Variants in TRMT11 observed in about 807,000 individuals in gnomAD.
TRMT11 encodes tRNA (guanine(10)-N(2))-methyltransferase TRMT11.
In TRMT11, 53 loss-of-function variants were observed where a neutral mutation model predicts 62.8. The observed-to-expected ratio is 0.84, with a 90% confidence interval of 0.68 to 1.06. TRMT11 has a LOEUF of 1.06. TRMT11 is among the 50% of genes least tolerant of loss of function. The pLI is 0.00. For synonymous variants in TRMT11, 188 were observed against 190.3 expected (o/e 0.99, Z 0.10); for missense variants, 556 against 553.4 (o/e 1.00, Z -0.05).
At chr6:126,041,408 T>C (rs1185157683), downstream of TRMT11, among the ~76,000 whole-genome samples, 2 of 152,122 alleles carry the variant, frequency 1.3e-5, no homozygotes, top group African/African-American at 4.8e-5. Flanking sequence ...GACGTTGAGG[T>C]TGTGTTATAT....
At chr6:126,106,143 A>T (rs1291599904) in intron 17 of TRMT11, among the ~76,000 whole-genome samples, 3 of 149,220 alleles carry the variant, frequency 2.0e-5, no homozygotes, top group East Asian at 2.0e-4. Flanking sequence ...CTAGGATTCC[A>T]GTTGGATTTT....
At chr6:126,094,704 G>A (rs778411806) in intron 17 of TRMT11, among the ~76,000 whole-genome samples, 9 of 152,164 alleles carry the variant, frequency 5.9e-5, no homozygotes, top group Admixed American at 3.9e-4. Flanking sequence ...CCTTTTTGTA[G>A]CTCTTAATTA....
intron 21 of TRMT11, among the ~76,000 whole-genome samples, chr6:126,136,569 A>G (rs1396383948): frequency 1.3e-5 from 2 of 151,558 alleles, no homozygotes; most frequent in African/African-American, 4.8e-5. Context: ...TAAAATGTCT[A>G]TACTACCCTA....
downstream of TRMT11, among the ~76,000 whole-genome samples, chr6:126,043,772 T>A (rs1775958445): frequency 6.0e-5 from 9 of 150,330 alleles, no homozygotes; most frequent in African/African-American, 2.4e-5. Context: ...GGTATCTCAT[T>A]GTGGTTTTGA....
chr6:126,061,082 G>A (rs1486533037), intron 17 of TRMT11, among the ~76,000 whole-genome samples: 1 of 152,222 alleles, frequency 6.6e-6, no homozygotes, highest in Non-Finnish European at 1.5e-5. Flanking sequence ...CAGAAGGGGA[G>A]AATCACAGAT....
At chr6:126,164,152 C>T (rs1778231604) in intron 21 of TRMT11, among the ~76,000 whole-genome samples, 1 of 152,144 alleles carries the variant, frequency 6.6e-6, no homozygotes, top group South Asian at 2.1e-4. Flanking sequence ...TAGCTGCATC[C>T]CAGAGATTCT....
At chr6:125,987,369 G>A (rs780209263) in intron 1 of TRMT11, among the ~76,000 whole-genome samples, 30 of 152,262 alleles carry the variant, frequency 2.0e-4, no homozygotes, top group African/African-American at 7.2e-4. Context: ...CAGTAAATTA[G>A]AATTACAAGG....
intron 21 of TRMT11, among the ~76,000 whole-genome samples, chr6:126,161,483 G>A (rs1009386360): frequency 2.6e-5 from 4 of 152,164 alleles, no homozygotes; most frequent in Non-Finnish European, 5.9e-5. Context: ...GTCTATTATT[G>A]ATGGGCATTT....
At chr6:126,255,744 G>A in the TRMT11 span, among the ~76,000 whole-genome samples, 1 of 151,948 alleles carries the variant, frequency 6.6e-6, no homozygotes, top group Non-Finnish European at 1.5e-5. Flanking sequence ...AAAAAAATGA[G>A]GAAGGAAAAT....
chr6:126,210,895 C>T, the TRMT11 span, among the ~76,000 whole-genome samples: 1 of 152,018 alleles, frequency 6.6e-6, no homozygotes, highest in South Asian at 2.1e-4. Context: ...GCCGGTGCTT[C>T]AGTCTGGTTT....
Position 126,151,932 on chromosome 6 carries a change from TTTCTTTCTTTC to T in TRMT11, c.*1824-22890_*1824-22880del, listed in dbSNP as rs1349824119. 9.4e-5 allele frequency among the ~76,000 whole-genome samples: 10 copies of T among 106,376 alleles called. 1 individual carries two copies. The highest frequency in any genetic ancestry group is 4.5e-4 in the African/African-American group (10 of 22,152). 69.8% of individuals were successfully genotyped at this position (106,376 alleles called of 152,430 possible). A position where few individuals can be genotyped will look rare whatever the true frequency, so the allele number is the denominator to read the frequency against. Reference sequence around the variant, plus strand: ...CTTTCTTTCTTTCTTTCTTTCTTTCTTTCTTTCTTTCTTTTCTTTCTTTCTTTTCTTTCTTT... The same window carrying T: ...CTTTCTTTCTTTCTTTCTTTCTTTCTTTTTCTTTCTTTCTTTTCTTTCTTT... On this transcript the variant is annotated intron_variant and NMD_transcript_variant, in intron 21 of 22. Transcript: ENST00000648977.
At chr6:126,234,607 T>TCTGTACAC in the TRMT11 span, among the ~76,000 whole-genome samples, 3 of 152,138 alleles carry the variant, frequency 2.0e-5, no homozygotes, top group Non-Finnish European at 4.4e-5. Context: ...GTGAGGATAA[T>TCTGTACAC]CTGTACACTG....
intron 21 of TRMT11, among the ~76,000 whole-genome samples, chr6:126,139,767 G>A (rs1400456923): frequency 6.6e-6 from 1 of 152,010 alleles, no homozygotes; most frequent in Admixed American, 6.6e-5. Flanking sequence ...TGGTTATTTT[G>A]TAACTTCTAT....
At chr6:126,164,991 A>G (rs1209990696) in intron 21 of TRMT11, among the ~76,000 whole-genome samples, 3 of 152,154 alleles carry the variant, frequency 2.0e-5, no homozygotes. Context: ...TAAATTTAAT[A>G]TCGTTGGCTG....
intron 16 of TRMT11, among the ~76,000 whole-genome samples, chr6:126,046,474 C>T (rs566844276): frequency 3.9e-5 from 6 of 152,322 alleles, no homozygotes; most frequent in African/African-American, 1.2e-4. Context: ...CATGGAGCCT[C>T]CCACTCCAAC....
At chr6:126,027,230 A>C (rs1440805670) in intron 12 of TRMT11, among the ~76,000 whole-genome samples, 2 of 152,176 alleles carry the variant, frequency 1.3e-5, no homozygotes, top group Admixed American at 6.5e-5. Flanking sequence ...ATAGGATAAA[A>C]GGCTGATCTC....
At chr6:126,043,181 C>G, downstream of TRMT11, among the ~76,000 whole-genome samples, 1 of 145,514 alleles carries the variant, frequency 6.9e-6, no homozygotes, top group African/African-American at 2.5e-5. Flanking sequence ...TTAGGTATAT[C>G]TCCTAATGCT....
At chr6:126,207,753 A>C (rs1005080314), downstream of TRMT11, among the ~76,000 whole-genome samples, 1 of 152,196 alleles carries the variant, frequency 6.6e-6, no homozygotes, top group Non-Finnish European at 1.5e-5. Flanking sequence ...TTTTGCCAGC[A>C]AGTGCATTAT....
chr6:126,115,734 A>C (rs1273491662), intron 20 of TRMT11, among the ~76,000 whole-genome samples: 4 of 152,008 alleles, frequency 2.6e-5, no homozygotes, highest in African/African-American at 9.7e-5. Context: ...GGTTTTTTTC[A>C]CCATCTAGCT....
Sources: gnomAD v4.1 joint callset for allele counts (sites outside exome capture counted in the v4.1 genomes callset) on GRCh38, gnomAD v4.1.1 for gene constraint, MANE v1.5 for transcripts, NCBI Gene and HGNC (gene_info 2026-07-23, HGNC 2026-07-21) for gene names.